Variants in CUL1 observed in about 807,000 individuals in gnomAD.
CUL1 encodes the protein cullin 1.
A neutral mutation model predicts 118.0 loss-of-function variants in CUL1; 24 were observed. That is an observed-to-expected ratio of 0.20 (90% CI 0.15 to 0.29). CUL1 has a LOEUF of 0.29. CUL1 is among the 10% of genes least tolerant of loss of function. The probability of loss-of-function intolerance (pLI) is 1.00; values close to 1 mark genes in which losing one functional copy is unlikely to be tolerated. For synonymous variants in CUL1, 332 were observed against 340.4 expected (o/e 0.98, Z 0.27); for missense variants, 361 against 933.8 (o/e 0.39, Z 7.99).
At position 148,771,363 on chromosome 7, in the gene CUL1, T is replaced by G. The variant is rs1186998629; in HGVS notation, c.1083+3614T>G. Among the ~76,000 whole-genome samples the G allele has an allele frequency of 2.6e-5, 4 of 152,240 alleles. No individual in the cohort carries two copies. The East Asian group carries it at 7.7e-4, about 29-fold the overall frequency. ...AAGTTTTAGAACCTACTTATGAATT[T>G]TTCTTAAGGCATATCTTTTCCCTAG... On this transcript the variant is annotated intron_variant, in intron 9 of 21. Coordinates refer to ENST00000325222, the MANE Select transcript of CUL1 (RefSeq NM_003592.3).
At chr7:148,712,612 T>A (rs1172631215) in intron 1 of CUL1, among the ~76,000 whole-genome samples, 1 of 152,232 alleles carries the variant, frequency 6.6e-6, no homozygotes, top group Non-Finnish European at 1.5e-5. Context: ...TTTATAGTAG[T>A]GTTAACATGA....
At chr7:148,790,467 T>C in intron 16 of CUL1, 26 bp downstream of exon 16, 1 of 1,596,534 alleles carries the variant, frequency 6.3e-7, no homozygotes, top group South Asian at 1.1e-5. Context: ...TATCTTAAAA[T>C]TTTTCTATTC....
rs573707029 is a variant in CUL1, at chr7:148,757,090, T to C, written c.423T>C (p.Asn141=). Residue 141 remains asparagine, a synonymous_variant, in exon 4 of 22, where the codon AAT becomes AAC. Transcript: ENST00000325222. ...KVLNGICAYL[N]RHWVRRECDE... is the part of the protein sequence containing the mutation. ...TGAATGGAATTTGTGCCTACCTCAA[T>C]AGACATTGGGTTCGCCGTGAATGTG... 16 of 1,605,074 alleles carry C rather than the reference T, an allele frequency of 1.0e-5. No homozygotes were observed. Among genetic ancestry groups the C allele is most frequent in the African/African-American group, 2.7e-5 (2 of 74,618 alleles).
intron 19 of CUL1, 90 bp downstream of exon 19, chr7:148,798,109 G>A: frequency 1.4e-6 from 1 of 717,700 alleles, no homozygotes; most frequent in Non-Finnish European, 2.3e-6. Flanking sequence ...TACAAACCAA[G>A]GGAGACCGGG....
chr7:148,800,069 A>G lies in CUL1; in HGVS notation c.2251-433A>G, dbSNP rs186376807. 8.3e-3 allele frequency among the ~76,000 whole-genome samples: 1,264 copies of G among 152,302 alleles called. 19 individuals carry two copies. The highest frequency in any genetic ancestry group is 0.029 in the African/African-American group (1,217 of 41,558). ...GACTTCCCCAACAGGCAGGAGGCCC[A>G]GTGTCCCTCCTGGGTTACATTTGGC... is the stretch of plus-strand genomic sequence containing the variant. On this transcript the variant is annotated intron_variant, in intron 21 of 21. Coordinates refer to ENST00000325222, the MANE Select transcript of CUL1 (RefSeq NM_003592.3). The surrounding 1 kb of genome is among the most constrained non-coding windows in gnomAD (Gnocchi z 4.6).
chr7:148,704,811 G>T (rs1797832623), intron 1 of CUL1, among the ~76,000 whole-genome samples: 1 of 151,934 alleles, frequency 6.6e-6, no homozygotes, highest in African/African-American at 2.4e-5. Flanking sequence ...TTAGCAGTAG[G>T]TTATTATTTT....
At chr7:148,735,815 A>T (rs954681717) in intron 2 of CUL1, among the ~76,000 whole-genome samples, 25 of 152,174 alleles carry the variant, frequency 1.6e-4, no homozygotes, top group Non-Finnish European at 3.4e-4. Flanking sequence ...CTGTAAAAGG[A>T]CATACTGGTT....
intron 2 of CUL1, among the ~76,000 whole-genome samples, chr7:148,736,879 A>G (rs1047282628): frequency 6.6e-6 from 1 of 152,232 alleles, no homozygotes; most frequent in Non-Finnish European, 1.5e-5. Flanking sequence ...CCATCAGCAC[A>G]TGCTCCTGCT....
intron 11 of CUL1, among the ~76,000 whole-genome samples, chr7:148,786,085 G>C (rs1481254052): frequency 2.6e-5 from 4 of 152,136 alleles, no homozygotes; most frequent in African/African-American, 9.7e-5. Context: ...ATCATCTCTT[G>C]TATATACAAC....
chr7:148,734,496 G>T (rs1056403601), intron 2 of CUL1, among the ~76,000 whole-genome samples: 1 of 152,110 alleles, frequency 6.6e-6, no homozygotes, highest in Non-Finnish European at 1.5e-5. Context: ...CGCCCACCTG[G>T]GCCTCCCAAA....
intron 1 of CUL1, among the ~76,000 whole-genome samples, chr7:148,709,891 T>A (rs1460554096): frequency 6.6e-6 from 1 of 152,072 alleles, no homozygotes; most frequent in Admixed American, 6.5e-5. Flanking sequence ...GAGACCAGCC[T>A]GGGCAACGTA....
intron 1 of CUL1, among the ~76,000 whole-genome samples, chr7:148,718,655 C>G (rs1798294109): frequency 6.6e-6 from 1 of 151,950 alleles, no homozygotes; most frequent in Non-Finnish European, 1.5e-5. Context: ...TTGTGTTATT[C>G]CACTTTGGGG....
At position 148,731,024 on chromosome 7, in the gene CUL1, G is replaced by A. The variant is rs191945009; in HGVS notation, c.140+762G>A. 5.3e-4 allele frequency among the ~76,000 whole-genome samples: 81 copies of A among 152,116 alleles called. 1 individual carries two copies. Among genetic ancestry groups the A allele is most frequent in the South Asian group, 3.5e-3 (17 of 4,804 alleles). Reference sequence around the variant, plus strand: ...GAGACAGAGTCTTGCTATGTTGCCCGGGCTGTGGCCCTATTTTTTAAAGTA... The same window carrying A: ...GAGACAGAGTCTTGCTATGTTGCCCAGGCTGTGGCCCTATTTTTTAAAGTA... On this transcript the variant is annotated intron_variant, in intron 2 of 21. Coordinates refer to ENST00000325222, the MANE Select transcript of CUL1 (RefSeq NM_003592.3).
rs190456817 is a variant in CUL1, at chr7:148,792,442, G to A, written c.1807-284G>A. 1.2e-3 allele frequency among the ~76,000 whole-genome samples: 188 copies of A among 152,206 alleles called. 1 individual carries two copies. Among genetic ancestry groups the A allele is most frequent in the Non-Finnish European group, 1.8e-3 (120 of 68,022 alleles). On this transcript the variant is annotated intron_variant, in intron 16 of 21. Transcript: ENST00000325222. The stretch of plus-strand genomic sequence containing the variant: ...ATTGTCTCTATAAATGCGTGGGGAC[G>A]TATCTATAGTATGTATCCACATAGA...
chr7:148,755,374 T>C (rs1180525540), intron 3 of CUL1, among the ~76,000 whole-genome samples: 2 of 152,236 alleles, frequency 1.3e-5, no homozygotes. Flanking sequence ...ATATTTTAAA[T>C]ATTTTTTATT....
chr7:148,771,540 G>C (rs1383090441), intron 9 of CUL1, among the ~76,000 whole-genome samples: 2 of 152,158 alleles, frequency 1.3e-5, no homozygotes, highest in African/African-American at 4.8e-5. Flanking sequence ...AGTGGGGAGG[G>C]GACTGTCCGT....
intron 2 of CUL1, among the ~76,000 whole-genome samples, chr7:148,738,549 C>T (rs541186013): frequency 6.6e-6 from 1 of 152,296 alleles, no homozygotes; most frequent in East Asian, 1.9e-4. Flanking sequence ...CCCCAGATAC[C>T]TGCTTACGTT....
intron 9 of CUL1, among the ~76,000 whole-genome samples, chr7:148,773,467 C>T (rs1800288019): frequency 1.3e-5 from 2 of 152,290 alleles, no homozygotes; most frequent in Non-Finnish European, 2.9e-5. Flanking sequence ...GTGGTTATAA[C>T]TTCCTGTGCT....
chr7:148,780,091 A>G (rs754729216), intron 9 of CUL1, among the ~76,000 whole-genome samples: 4 of 144,464 alleles, frequency 2.8e-5, no homozygotes, highest in Non-Finnish European at 6.0e-5. Context: ...TGATTGTGTA[A>G]GTTAATACTT....
Sources: allele counts gnomAD v4.1 joint callset (sites outside exome capture counted in the v4.1 genomes callset), GRCh38; gene constraint gnomAD v4.1.1; non-coding constraint Gnocchi (gnomAD v3.1); transcripts MANE v1.5; gene names NCBI Gene and HGNC (gene_info 2026-07-23, HGNC 2026-07-21).